Variants in KCNQ1OT1 observed in about 807,000 individuals in gnomAD.
KCNQ1OT1 encodes KCNQ1 opposite strand/antisense transcript 1, also known as KCNQ1 antisense RNA 2 (non-protein coding).
chr11:2,619,127 A>C, exon 1 of KCNQ1OT1: 1 of 398,512 alleles, frequency 2.5e-6, no homozygotes, highest in Non-Finnish European at 4.4e-6. Flanking sequence ...TCATATAAAG[A>C]TAATATTACT....
chr11:2,668,154 T>C lies in KCNQ1OT1; in HGVS notation n.31841A>G. 1 of 398,630 alleles carries C rather than the reference T, an allele frequency of 2.5e-6. No individual in the cohort carries two copies. The allele number at this position is 398,630 out of a possible 1,614,324, so 24.7% of individuals were successfully genotyped here. A position where few individuals can be genotyped will look rare whatever the true frequency, so the allele number is the denominator to read the frequency against. On this transcript the variant is annotated non_coding_transcript_exon_variant, in exon 1 of 1. Coordinates refer to ENST00000597346, the Ensembl canonical transcript of KCNQ1OT1. This position sits in a 1 kb window ranked among gnomAD's most constrained non-coding sequence, Gnocchi z 4.3. Reference sequence around the variant, plus strand: ...CTCTATGGGGCTGAAGGGAGAGTGCTCCCTCATGCTCCTTGCTGACTGGTG... The same window carrying C: ...CTCTATGGGGCTGAAGGGAGAGTGCCCCCTCATGCTCCTTGCTGACTGGTG...
In KCNQ1OT1 at chr11:2,652,329, G is replaced by T; in HGVS notation, n.47666C>A. ...TGCTTTGATTATTGTGTGAAGTTAA[G>T]AACTGGCACATTTCCGCGATGTTGT... On this transcript the variant is annotated non_coding_transcript_exon_variant, in exon 1 of 1. Transcript: ENST00000597346. This position sits in a 1 kb window ranked among gnomAD's most constrained non-coding sequence, Gnocchi z 5.9. 1 of 398,630 alleles carries T rather than the reference G, an allele frequency of 2.5e-6. No homozygotes were observed. The highest frequency in any genetic ancestry group is 1.3e-4 in the South Asian group (1 of 7,852). 24.7% of individuals were successfully genotyped at this position (398,630 alleles called of 1,614,324 possible). A position where few individuals can be genotyped will look rare whatever the true frequency, so the allele number is the denominator to read the frequency against.
At position 2,658,987 on chromosome 11, in the gene KCNQ1OT1, G is replaced by A; in HGVS notation, n.41008C>T. 1 of 398,530 alleles carries A rather than the reference G, an allele frequency of 2.5e-6. No individual in the cohort carries two copies. Among genetic ancestry groups the A allele is most frequent in the South Asian group, 1.3e-4 (1 of 7,844 alleles). 24.7% of individuals were successfully genotyped at this position (398,530 alleles called of 1,614,324 possible). On this transcript the variant is annotated non_coding_transcript_exon_variant, in exon 1 of 1. Coordinates refer to ENST00000597346, the Ensembl canonical transcript of KCNQ1OT1. This position sits in a 1 kb window ranked among gnomAD's most constrained non-coding sequence, Gnocchi z 4.9. ...AACCATAGAGTGTCCAGTCAAAACAGTGTTTTTGAAAGCAACATATGCCAG... is the reference window on the plus strand; with the variant it reads ...AACCATAGAGTGTCCAGTCAAAACAATGTTTTTGAAAGCAACATATGCCAG...
chr11:2,644,353 T>C (rs1453516915), exon 1 of KCNQ1OT1: 3 of 398,340 alleles, frequency 7.5e-6, no homozygotes, highest in South Asian at 2.5e-4. Context: ...CTGCTTGTTG[T>C]GGTCTGTTAT....
At position 2,653,245 on chromosome 11, in the gene KCNQ1OT1, A is replaced by G. The variant is rs1053267076; in HGVS notation, n.46750T>C. 1.3e-5 allele frequency: 5 copies of G among 398,608 alleles called. No individual in the cohort carries two copies. Among genetic ancestry groups the G allele is most frequent in the African/African-American group, 8.2e-5 (4 of 48,638 alleles). The allele number at this position is 398,608 out of a possible 1,614,324, so 24.7% of individuals were successfully genotyped here. A position where few individuals can be genotyped will look rare whatever the true frequency, so the allele number is the denominator to read the frequency against. On this transcript the variant is annotated non_coding_transcript_exon_variant, in exon 1 of 1. Coordinates refer to ENST00000597346, the Ensembl canonical transcript of KCNQ1OT1. This position sits in a 1 kb window ranked among gnomAD's most constrained non-coding sequence, Gnocchi z 5.3. ...GCCTCAGGCCAGCTTCTTTCCCACA[A>G]GCCTTCTCCCTGCCCTCTGCCCTGA...
At position 2,678,825 on chromosome 11, in the gene KCNQ1OT1, A is replaced by G; in HGVS notation, n.21170T>C. ...TGAGCACTTGTTTCTTCCAAGGCTC[A>G]CTTCAAGGAAGGCAGAATCCAGGTC... is the stretch of plus-strand genomic sequence containing the variant. On this transcript the variant is annotated non_coding_transcript_exon_variant, in exon 1 of 1. Transcript: ENST00000597346. The surrounding 1 kb of genome is among the most constrained non-coding windows in gnomAD (Gnocchi z 4.9). 2 of 398,642 alleles carry G rather than the reference A, an allele frequency of 5.0e-6. No homozygotes were observed. The highest frequency in any genetic ancestry group is 8.8e-6 in the Non-Finnish European group (2 of 226,076). 24.7% of individuals were successfully genotyped at this position (398,642 alleles called of 1,614,324 possible).
At chr11:2,675,370 T>G in exon 1 of KCNQ1OT1, 1 of 398,550 alleles carries the variant, frequency 2.5e-6, no homozygotes, top group Non-Finnish European at 4.4e-6. Flanking sequence ...GTGTGTGCAT[T>G]AGAAAACATT....
exon 1 of KCNQ1OT1, chr11:2,641,893 T>A (rs1564842616): frequency 2.5e-5 from 10 of 398,506 alleles, no homozygotes; most frequent in Non-Finnish European, 4.4e-5. Flanking sequence ...GAGGGTGCTC[T>A]TTTCCCAGTG....
In KCNQ1OT1 at chr11:2,640,115, G is replaced by A. The variant is rs560297762; in HGVS notation, n.59880C>T. ...CCAGGTGCCGTCTGTCACCCCTTCCGTTGGCTAGGAAAGGGAATTCCCTGA... is the reference window on the plus strand; with the variant it reads ...CCAGGTGCCGTCTGTCACCCCTTCCATTGGCTAGGAAAGGGAATTCCCTGA... On this transcript the variant is annotated non_coding_transcript_exon_variant, in exon 1 of 1. Coordinates refer to ENST00000597346, the Ensembl canonical transcript of KCNQ1OT1. 17 of 299,446 alleles carry A rather than the reference G, an allele frequency of 5.7e-5. No individual in the cohort carries two copies. The South Asian group carries it at 1.5e-3, about 26-fold the overall frequency. 18.5% of individuals were successfully genotyped at this position (299,446 alleles called of 1,614,324 possible).
chr11:2,618,922 A>C (rs1324165788), exon 1 of KCNQ1OT1: 2 of 398,028 alleles, frequency 5.0e-6, no homozygotes, highest in African/African-American at 4.1e-5. Flanking sequence ...TTCCTAAGCA[A>C]TTTTTTTGAT....
exon 1 of KCNQ1OT1, chr11:2,609,186 G>A (rs1189054293): frequency 4.5e-5 from 18 of 398,064 alleles, no homozygotes; most frequent in South Asian, 1.3e-4. Context: ...TCTTTACACT[G>A]CTTTAAATGT....
rs896909902 is a variant in KCNQ1OT1 at position 2,611,067 on chromosome 11, G to A, written n.88928C>T. On this transcript the variant is annotated non_coding_transcript_exon_variant, in exon 1 of 1. Coordinates refer to ENST00000597346, the Ensembl canonical transcript of KCNQ1OT1. This position sits in a 1 kb window ranked among gnomAD's most constrained non-coding sequence, Gnocchi z 5.3. ...TTTATTTCATATACTTCAGGGCTGT[G>A]TTTTTAGCTGTTATAAATTTTTATT... is the stretch of plus-strand genomic sequence containing the variant. The A allele has an allele frequency of 1.0e-5, 4 of 398,072 alleles. No homozygotes were observed. The highest frequency in any genetic ancestry group is 6.2e-4 in the Middle Eastern group (1 of 1,610). 24.7% of individuals were successfully genotyped at this position (398,072 alleles called of 1,614,324 possible).
At position 2,674,832 on chromosome 11, in the gene KCNQ1OT1, T is replaced by TA. The variant is rs34219164; in HGVS notation, n.25162dup. ...GCTTGTCACCCTAATAGCTGTTTTTTAAAAAAAAAAAAAAAAAAAAAAAAA... is the reference window on the plus strand; with the variant it reads ...GCTTGTCACCCTAATAGCTGTTTTTTAAAAAAAAAAAAAAAAAAAAAAAAAA... On this transcript the variant is annotated non_coding_transcript_exon_variant, in exon 1 of 1. Transcript: ENST00000597346. The surrounding 1 kb of genome is among the most constrained non-coding windows in gnomAD (Gnocchi z 5.9). 0.095 allele frequency: 28,229 copies of TA among 295,938 alleles called. 1,878 individuals are homozygous for TA. The highest frequency in any genetic ancestry group is 0.21 in the African/African-American group (5,686 of 27,476). 18.3% of individuals were successfully genotyped at this position (295,938 alleles called of 1,614,324 possible). A position where few individuals can be genotyped will look rare whatever the true frequency, so the allele number is the denominator to read the frequency against.
rs372121224 is a variant in KCNQ1OT1, at chr11:2,647,160, A to G, written n.52835T>C. The G allele has an allele frequency of 2.5e-6, 1 of 397,876 alleles. No individual in the cohort carries two copies. The highest frequency in any genetic ancestry group is 2.1e-5 in the African/African-American group (1 of 48,408). 24.6% of individuals were successfully genotyped at this position (397,876 alleles called of 1,614,324 possible). ...TTATGTTCCTTCTAGACATTATGTGATGAGCTTTTTTTTTTATCATGAAGA... is the reference window on the plus strand; with the variant it reads ...TTATGTTCCTTCTAGACATTATGTGGTGAGCTTTTTTTTTTATCATGAAGA... On this transcript the variant is annotated non_coding_transcript_exon_variant, in exon 1 of 1. Coordinates refer to ENST00000597346, the Ensembl canonical transcript of KCNQ1OT1. This position sits in a 1 kb window ranked among gnomAD's most constrained non-coding sequence, Gnocchi z 4.0.
At position 2,661,041 on chromosome 11, in the gene KCNQ1OT1, A is replaced by G. The variant is rs1849947395; in HGVS notation, n.38954T>C. The stretch of plus-strand genomic sequence containing the variant: ...ACCTAGAGAAAAATGAAATGAGCTT[A>G]TGTTACAGAGTGACAGGAACAGAGT... On this transcript the variant is annotated non_coding_transcript_exon_variant, in exon 1 of 1. Coordinates refer to ENST00000597346, the Ensembl canonical transcript of KCNQ1OT1. This position sits in a 1 kb window ranked among gnomAD's most constrained non-coding sequence, Gnocchi z 5.9. The G allele has an allele frequency of 7.5e-6, 3 of 398,484 alleles. No individual in the cohort carries two copies. Among genetic ancestry groups the G allele is most frequent in the African/African-American group, 2.1e-5 (1 of 48,612 alleles). The allele number at this position is 398,484 out of a possible 1,614,324, so 24.7% of individuals were successfully genotyped here.
At position 2,646,608 on chromosome 11, in the gene KCNQ1OT1, C is replaced by T. The variant is rs1413906735; in HGVS notation, n.53387G>A. 3 of 398,654 alleles carry T rather than the reference C, an allele frequency of 7.5e-6. No homozygotes were observed. In the East Asian group the frequency reaches 1.1e-4, roughly 14 times the overall value. The allele number at this position is 398,654 out of a possible 1,614,324, so 24.7% of individuals were successfully genotyped here. On this transcript the variant is annotated non_coding_transcript_exon_variant, in exon 1 of 1. Coordinates refer to ENST00000597346, the Ensembl canonical transcript of KCNQ1OT1. ...TGGTGCAATTTCTGCTCACTGCAAC[C>T]TTCACCTCCGAGGTTCAAGTGATCC...
chr11:2,617,964 T>G lies in KCNQ1OT1; in HGVS notation n.82031A>C, dbSNP rs1425552354. The G allele has an allele frequency of 2.5e-6, 1 of 398,474 alleles. No homozygotes were observed. Among genetic ancestry groups the G allele is most frequent in the Non-Finnish European group, 4.4e-6 (1 of 226,050 alleles). The allele number at this position is 398,474 out of a possible 1,614,324, so 24.7% of individuals were successfully genotyped here. ...TTATAAGATATATGGTTGGCAAATA[T>G]TTTCTTCTAGTCCATAGGTTGCCTT... On this transcript the variant is annotated non_coding_transcript_exon_variant, in exon 1 of 1. Coordinates refer to ENST00000597346, the Ensembl canonical transcript of KCNQ1OT1. This position sits in a 1 kb window ranked among gnomAD's most constrained non-coding sequence, Gnocchi z 4.6.
chr11:2,615,878 T>C (rs550684495), exon 1 of KCNQ1OT1: 27 of 398,078 alleles, frequency 6.8e-5, no homozygotes, highest in Non-Finnish European at 8.4e-5. Flanking sequence ...ACTGGCCTCA[T>C]AGAATGTATT....
chr11:2,694,355 T>C (rs1347657330), exon 1 of KCNQ1OT1: 1 of 398,644 alleles, frequency 2.5e-6, no homozygotes, highest in Non-Finnish European at 4.4e-6. Context: ...TATGGCAATG[T>C]CTGGAGATAT....
Sources: allele counts gnomAD v4.1 joint callset, GRCh38; gene constraint gnomAD v4.1.1; non-coding constraint Gnocchi (gnomAD v3.1); transcripts MANE v1.5; gene names NCBI Gene and HGNC (gene_info 2026-07-23, HGNC 2026-07-21).